The following ELMOD1 variants were observed in gnomAD, a reference collection of about 807,000 sequenced individuals.
The protein encoded by ELMOD1 is ELMO domain-containing protein 1.
A neutral mutation model predicts 46.7 loss-of-function variants in ELMOD1; 21 were observed. The ratio of observed to expected loss-of-function variants is 0.45; its 90% confidence interval spans 0.32 to 0.65. ELMOD1 has a LOEUF of 0.65. Among genes scored for constraint, ELMOD1 ranks in the 30% least tolerant of loss-of-function variants. ELMOD1 has a pLI of 0.04. For synonymous variants in ELMOD1, 122 were observed against 138.2 expected, an observed-to-expected ratio of 0.88 and a Z score of 0.82; for missense variants, 348 against 407.8, an observed-to-expected ratio of 0.85 and a Z score of 1.26.
intron 6 of ELMOD1, among the ~76,000 whole-genome samples, chr11:107,644,950 C>T (rs1174300239): frequency 2.0e-5 from 3 of 147,190 alleles, no homozygotes; most frequent in Admixed American, 6.8e-5. Context: ...TTTTGATAGA[C>T]TCTCACTCTG....
intron 1 of ELMOD1, among the ~76,000 whole-genome samples, chr11:107,606,912 A>G (rs907978465): frequency 3.3e-5 from 5 of 152,216 alleles, no homozygotes. Context: ...GTAAATTTCA[A>G]GTGTCTCACC....
chr11:107,625,956 A>C (rs556633426), intron 2 of ELMOD1, among the ~76,000 whole-genome samples: 2 of 152,346 alleles, frequency 1.3e-5, no homozygotes, highest in African/African-American at 4.8e-5. Context: ...ACTATCAAAA[A>C]GCTGTGATTA....
intron 1 of ELMOD1, among the ~76,000 whole-genome samples, chr11:107,601,932 TA>T: frequency 6.6e-6 from 1 of 152,320 alleles, no homozygotes; most frequent in Non-Finnish European, 1.5e-5. Flanking sequence ...GCCATCATTC[TA>T]AGAAATCCTT....
At chr11:107,618,553 G>A (rs1865898038) in intron 2 of ELMOD1, among the ~76,000 whole-genome samples, 1 of 152,190 alleles carries the variant, frequency 6.6e-6, no homozygotes, top group Non-Finnish European at 1.5e-5. Flanking sequence ...TACAATTTGT[G>A]TAAAATCATT....
At chr11:107,635,592 C>G in intron 5 of ELMOD1, 44 bp from the exon 6 acceptor site, 3 of 1,587,382 alleles carry the variant, frequency 1.9e-6, no homozygotes, top group Non-Finnish European at 2.6e-6. Flanking sequence ...AAAGTGAATG[C>G]CCTGTTCTTC....
chr11:107,653,335 AAGAGAG>A (rs142355570), intron 9 of ELMOD1: 71 of 148,944 alleles, frequency 4.8e-4, no homozygotes, highest in African/African-American at 1.2e-3. Context: ...GAGGCCAAGA[AAGAGAG>A]AGAGAGAGAG....
intron 1 of ELMOD1, among the ~76,000 whole-genome samples, chr11:107,609,387 C>G (rs1246510639): frequency 6.6e-6 from 1 of 152,112 alleles, no homozygotes; most frequent in African/African-American, 2.4e-5. Flanking sequence ...AGTCCACCAG[C>G]CTTTTGGTTG....
At chr11:107,602,817 C>A (rs186120865) in intron 1 of ELMOD1, among the ~76,000 whole-genome samples, 89 of 151,334 alleles carry the variant, frequency 5.9e-4, no homozygotes, top group Admixed American at 2.3e-3. Flanking sequence ...GCTATCTGCT[C>A]ATATTTAAGA....
intron 6 of ELMOD1, among the ~76,000 whole-genome samples, chr11:107,640,738 A>T (rs1434793121): frequency 6.6e-6 from 1 of 152,224 alleles, no homozygotes; most frequent in Non-Finnish European, 1.5e-5. Flanking sequence ...TGAGTGCCCC[A>T]TTAAAATCAG....
At chr11:107,650,736 G>T in intron 8 of ELMOD1, 149 bp from the exon 9 acceptor site, 1 of 614,226 alleles carries the variant, frequency 1.6e-6, no homozygotes, top group Non-Finnish European at 2.7e-6. Flanking sequence ...GGGAACAGAA[G>T]GAAGAATGGA....
Position 107,665,319 on chromosome 11 carries a change from A to G in ELMOD1, c.*122A>G. On this transcript the variant is annotated 3_prime_UTR_variant, in exon 12 of 12. Coordinates refer to ENST00000265840, the MANE Select transcript of ELMOD1 (RefSeq NM_018712.4). ...TGATTGTATGCATGCCTTTTGGTAC[A>G]GTGTTTTCATCTCTTGGTCATAATT... 2 of 1,007,920 alleles carry G rather than the reference A, an allele frequency of 2.0e-6. No homozygotes were observed. The highest frequency in any genetic ancestry group is 2.4e-5 in the East Asian group (1 of 41,482). The allele number at this position is 1,007,920 out of a possible 1,614,324, so 62.4% of individuals were successfully genotyped here. A position where few individuals can be genotyped will look rare whatever the true frequency, so the allele number is the denominator to read the frequency against.
intron 2 of ELMOD1, among the ~76,000 whole-genome samples, chr11:107,627,772 C>T (rs561029784): frequency 6.6e-6 from 1 of 152,272 alleles, no homozygotes; most frequent in East Asian, 1.9e-4. Context: ...TACAGAGACA[C>T]TCCTTGAACG....
chr11:107,604,607 T>G (rs1051113265), intron 1 of ELMOD1, among the ~76,000 whole-genome samples: 1 of 152,188 alleles, frequency 6.6e-6, no homozygotes, highest in African/African-American at 2.4e-5. Flanking sequence ...TTGTTTTTCC[T>G]TAAGGGCACA....
At chr11:107,616,872 C>G (rs1026354567) in intron 1 of ELMOD1, among the ~76,000 whole-genome samples, 1 of 152,148 alleles carries the variant, frequency 6.6e-6, no homozygotes, top group African/African-American at 2.4e-5. Flanking sequence ...TTCCCAGGGT[C>G]CCCTAGATGC....
chr11:107,650,387 C>T lies in ELMOD1; in HGVS notation c.607C>T (p.Leu203Phe), dbSNP rs573619987. The change falls in exon 8 of 12, where the codon CTT (leucine) becomes TTT (phenylalanine). Residue 203 changes from leucine (L) to phenylalanine (F), a missense_variant. Transcript: ENST00000265840. ...TAAQQVLSDS[L>F]HPKCRDITKE... is the part of the protein sequence containing the mutation. ...AGCTCAGCAGGTCCTGTCTGACTCTCTTCATCCGAAATGCAGGTAATTGTT... is the reference window on the plus strand; with the variant it reads ...AGCTCAGCAGGTCCTGTCTGACTCTTTTCATCCGAAATGCAGGTAATTGTT... 1.2e-4 allele frequency: 189 copies of T among 1,591,022 alleles called. No homozygotes were observed. Among genetic ancestry groups the T allele is most frequent in the Admixed American group, 1.6e-4 (9 of 56,982 alleles).
intron 1 of ELMOD1, among the ~76,000 whole-genome samples, chr11:107,608,423 A>G (rs1284021535): frequency 6.6e-6 from 1 of 152,214 alleles, no homozygotes; most frequent in Non-Finnish European, 1.5e-5. Flanking sequence ...AAGCATGCAG[A>G]GGTAGACTGA....
chr11:107,618,349 G>A, intron 2 of ELMOD1, 143 bp downstream of exon 2: 1 of 967,912 alleles, frequency 1.0e-6, no homozygotes, highest in South Asian at 1.4e-5. Context: ...TTTTTGCTAA[G>A]AATAACTTGG....
intron 4 of ELMOD1, 73 bp downstream of exon 4, chr11:107,630,801 T>G (rs1024645849): frequency 1.4e-6 from 2 of 1,461,760 alleles, no homozygotes; most frequent in African/African-American, 2.8e-5. Flanking sequence ...GTAAAAATTC[T>G]AAGAAACCAA....
At chr11:107,649,900 A>T (rs1482136067) in intron 7 of ELMOD1, among the ~76,000 whole-genome samples, 1 of 152,192 alleles carries the variant, frequency 6.6e-6, no homozygotes, top group African/African-American at 2.4e-5. Context: ...TCCAGAATTC[A>T]AATTCCCAAT....
Sources: gnomAD v4.1 joint callset for allele counts (sites outside exome capture counted in the v4.1 genomes callset) on GRCh38, gnomAD v4.1.1 for gene constraint, MANE v1.5 for transcripts, NCBI Gene and HGNC (gene_info 2026-07-23, HGNC 2026-07-21) for gene names.